Variants in CNTNAP5 observed in about 807,000 individuals in gnomAD.
CNTNAP5 encodes the protein contactin associated protein family member 5.
Under a neutral mutation model 150.2 loss-of-function variants are expected in CNTNAP5, and 72 were observed. The observed-to-expected ratio is 0.48, with a 90% CI of 0.40 to 0.58. The LOEUF (loss-of-function observed/expected upper bound fraction) is 0.58. Ranked by LOEUF, CNTNAP5 falls within the 20% of genes least tolerant of loss-of-function variation. The pLI is 0.00. For synonymous variants in CNTNAP5, 672 were observed against 619.8 expected (o/e 1.08, Z -1.25); for missense variants, 1,636 against 1,626.2 (o/e 1.01, Z -0.10).
At chr2:124,885,005 C>G (rs1235610751) in intron 21 of CNTNAP5, among the ~76,000 whole-genome samples, 1 of 152,044 alleles carries the variant, frequency 6.6e-6, no homozygotes, top group Admixed American at 6.6e-5. Context: ...CCACTCATAT[C>G]AGTCAGGGTT....
chr2:124,285,188 A>T (rs1170118571), intron 3 of CNTNAP5, among the ~76,000 whole-genome samples: 2 of 152,132 alleles, frequency 1.3e-5, no homozygotes, highest in African/African-American at 4.8e-5. Context: ...ACTGATAGTT[A>T]TTATCCGAAT....
chr2:124,560,274 G>A (rs1023001305), intron 10 of CNTNAP5, among the ~76,000 whole-genome samples: 4 of 152,086 alleles, frequency 2.6e-5, no homozygotes, highest in African/African-American at 4.8e-5. Context: ...TTGAGAGGCC[G>A]AGGCAGGTGG....
At chr2:124,078,777 T>C (rs1251848003) in intron 1 of CNTNAP5, among the ~76,000 whole-genome samples, 1 of 152,136 alleles carries the variant, frequency 6.6e-6, no homozygotes, top group Non-Finnish European at 1.5e-5. Context: ...TGTGAGATTG[T>C]CCCAGGAAGT....
chr2:124,474,988 C>A, intron 7 of CNTNAP5, 106 bp downstream of exon 7: 1 of 888,348 alleles, frequency 1.1e-6, no homozygotes, highest in Non-Finnish European at 1.7e-6. Context: ...TTATCTTATG[C>A]TCTGAGTTCC....
intron 1 of CNTNAP5, among the ~76,000 whole-genome samples, chr2:124,219,490 G>T (rs1412145750): frequency 6.6e-6 from 1 of 152,034 alleles, no homozygotes; most frequent in African/African-American, 2.4e-5. Context: ...TGGAGAGAGT[G>T]TTACCTGAAA....
At chr2:124,899,525 T>A (rs1389269514) in intron 21 of CNTNAP5, among the ~76,000 whole-genome samples, 1 of 151,666 alleles carries the variant, frequency 6.6e-6, no homozygotes, top group African/African-American at 2.4e-5. Flanking sequence ...GATATGCTGT[T>A]GTTTTTTCTT....
chr2:124,869,705 T>G lies in CNTNAP5; in HGVS notation c.3379T>G (p.Phe1127Val). The change falls in exon 21 of 24, where the codon TTC becomes GTC. Residue 1127 changes from phenylalanine to valine, a missense_variant. Coordinates refer to ENST00000682447, the MANE Select transcript of CNTNAP5 (RefSeq NM_001367498.1). ...MDQQLRLSYNFSPEVEFRVIR... is the reference protein window; with the variant it reads ...MDQQLRLSYNVSPEVEFRVIR... ...CCAGCAACTTCGACTCAGTTATAAC[T>G]TCTCTCCGGAAGTAGAGTTCAGGGT... The G allele has an allele frequency of 6.2e-7, 1 of 1,612,036 alleles. No individual in the cohort carries two copies. The highest frequency in any genetic ancestry group is 1.3e-5 in the African/African-American group (1 of 74,978).
At chr2:124,738,923 A>G (rs1459180294) in intron 13 of CNTNAP5, among the ~76,000 whole-genome samples, 2 of 152,132 alleles carry the variant, frequency 1.3e-5, no homozygotes, top group Non-Finnish European at 2.9e-5. Context: ...TTAGCAAAAA[A>G]TTGTACAATA....
intron 1 of CNTNAP5, among the ~76,000 whole-genome samples, chr2:124,030,962 A>T (rs563686685): frequency 5.3e-5 from 8 of 152,216 alleles, no homozygotes; most frequent in Non-Finnish European, 7.4e-5. Context: ...ACTGGCCCTG[A>T]TCTGGCTCTG....
intron 19 of CNTNAP5, among the ~76,000 whole-genome samples, chr2:124,844,754 G>T (rs1683013594): frequency 6.6e-6 from 1 of 151,898 alleles, no homozygotes; most frequent in South Asian, 2.1e-4. Flanking sequence ...TTGAGATTTT[G>T]ATTTGATTTT....
At chr2:124,808,187 A>T (rs1189249463) in intron 19 of CNTNAP5, among the ~76,000 whole-genome samples, 5 of 152,196 alleles carry the variant, frequency 3.3e-5, no homozygotes, top group Non-Finnish European at 5.9e-5. Flanking sequence ...AAGTATTAAT[A>T]GGGCTCCCCA....
Position 124,752,242 on chromosome 2 carries a change from T to G in CNTNAP5, c.2234+4857T>G, listed in dbSNP as rs534463616. Among the ~76,000 whole-genome samples, 4 of 152,184 alleles carry G rather than the reference T, an allele frequency of 2.6e-5. No individual in the cohort carries two copies. In the East Asian group the frequency reaches 7.8e-4, roughly 30 times the overall value. On this transcript the variant is annotated intron_variant, in intron 14 of 23. Transcript: ENST00000682447. The stretch of plus-strand genomic sequence containing the variant: ...TGTTTTGTTTTATTATTTTTTTGAG[T>G]AAGCTTCTCACTTTGTTGCCCAGGC...
chr2:124,053,622 A>C (rs1681768398), intron 1 of CNTNAP5, among the ~76,000 whole-genome samples: 1 of 152,194 alleles, frequency 6.6e-6, no homozygotes, highest in South Asian at 2.1e-4. Flanking sequence ...ATGTCACAGG[A>C]TTACTTTGAG....
rs545841791 is a variant in CNTNAP5, at chr2:124,431,133, A to G, written c.530-3351A>G. On this transcript the variant is annotated intron_variant, in intron 4 of 23. Coordinates refer to ENST00000682447, the MANE Select transcript of CNTNAP5 (RefSeq NM_001367498.1). ...TTAGACTCGTTCTACTGATTGGCTT[A>G]GTTTTCTCTAGGTCTCATGACAACG... Among the ~76,000 whole-genome samples the G allele has an allele frequency of 3.9e-5, 6 of 152,264 alleles. No individual in the cohort carries two copies. In the East Asian group the frequency reaches 1.2e-3, roughly 29 times the overall value.
chr2:124,853,083 C>A (rs1683189280), intron 19 of CNTNAP5, among the ~76,000 whole-genome samples: 1 of 152,204 alleles, frequency 6.6e-6, no homozygotes, highest in Admixed American at 6.5e-5. Context: ...GAAGAGCCTG[C>A]TCTTTCAAAG....
At chr2:124,419,892 T>G (rs1193942411) in intron 4 of CNTNAP5, among the ~76,000 whole-genome samples, 1 of 140,588 alleles carries the variant, frequency 7.1e-6, no homozygotes, top group African/African-American at 2.6e-5. Flanking sequence ...TTTGACTGGA[T>G]TGGTTTTCTT....
intron 3 of CNTNAP5, among the ~76,000 whole-genome samples, chr2:124,395,966 C>A (rs535553678): frequency 6.6e-6 from 1 of 152,284 alleles, no homozygotes; most frequent in East Asian, 1.9e-4. Flanking sequence ...CCATCATCAA[C>A]ACCTTGCTAC....
intron 13 of CNTNAP5, among the ~76,000 whole-genome samples, chr2:124,681,336 G>T (rs998877698): frequency 8.7e-5 from 13 of 149,824 alleles, no homozygotes; most frequent in African/African-American, 2.9e-4. Flanking sequence ...AGACAGCCAT[G>T]TTGTGGGCAT....
chr2:124,877,652 T>C (rs1485571251), intron 21 of CNTNAP5, among the ~76,000 whole-genome samples: 1 of 152,164 alleles, frequency 6.6e-6, no homozygotes, highest in Non-Finnish European at 1.5e-5. Context: ...TTGCTTATCT[T>C]AAAAATTAAT....
Sources: allele counts gnomAD v4.1 joint callset (sites outside exome capture counted in the v4.1 genomes callset), GRCh38; gene constraint gnomAD v4.1.1; transcripts MANE v1.5; gene names NCBI Gene and HGNC (gene_info 2026-07-23, HGNC 2026-07-21).